The following CCDC6 variants were observed in gnomAD, a reference collection of about 807,000 sequenced individuals.
CCDC6 encodes the protein coiled-coil domain-containing protein 6.
CCDC6 carries 20 observed loss-of-function variants against 56.6 expected under a neutral mutation model. The observed-to-expected ratio is 0.35, with a 90% CI of 0.25 to 0.51. The LOEUF is 0.51. CCDC6 is among the 20% of genes least tolerant of loss of function. The pLI is 0.95. For synonymous variants in CCDC6, 241 were observed against 234.4 expected (o/e 1.03, Z -0.26); for missense variants, 367 against 601.1 (o/e 0.61, Z 4.07).
intron 1 of CCDC6, among the ~76,000 whole-genome samples, chr10:59,886,005 C>T (rs1461880792): frequency 6.9e-6 from 1 of 144,924 alleles, no homozygotes; most frequent in Non-Finnish European, 1.5e-5. Flanking sequence ...GCCTTATATA[C>T]AGAATAACCT....
intron 5 of CCDC6, among the ~76,000 whole-genome samples, chr10:59,810,300 G>A (rs2070662412): frequency 6.6e-6 from 1 of 152,232 alleles, no homozygotes; most frequent in East Asian, 1.9e-4. Flanking sequence ...AAGCAGCTAA[G>A]TGCCACTGCT....
At chr10:59,846,711 T>C (rs2070995375) in intron 2 of CCDC6, among the ~76,000 whole-genome samples, 1 of 152,214 alleles carries the variant, frequency 6.6e-6, no homozygotes, top group African/African-American at 2.4e-5. Context: ...TACAAATCTA[T>C]TGATTATTTT....
At chr10:59,897,904 GTGGCCTCATT>G (rs1408609833) in intron 1 of CCDC6, among the ~76,000 whole-genome samples, 1 of 152,262 alleles carries the variant, frequency 6.6e-6, no homozygotes, top group Admixed American at 6.5e-5. Context: ...GCAGTACCAA[GTGGCCTCATT>G]TGATCCTCAG....
intron 3 of CCDC6, among the ~76,000 whole-genome samples, chr10:59,827,731 A>T (rs2070800228): frequency 6.6e-6 from 1 of 152,192 alleles, no homozygotes; most frequent in Admixed American, 6.5e-5. Flanking sequence ...GACATCTCAG[A>T]TAAGAAAATA....
At position 59,882,959 on chromosome 10, in the gene CCDC6, C is replaced by CA. The variant is rs769100645; in HGVS notation, c.303+23162dup. 8.8e-3 allele frequency among the ~76,000 whole-genome samples: 1,173 copies of CA among 133,956 alleles called. 5 individuals carry two copies. Among genetic ancestry groups the CA allele is most frequent in the Non-Finnish European group, 0.011 (672 of 62,394 alleles). 87.9% of individuals were successfully genotyped at this position (133,956 alleles called of 152,430 possible). Reference sequence around the variant, plus strand: ...TGGGCGACAGAGCAAGACTCTGCCTCAAAAAAAAAAATTAGTAAAATTAGG... The same window carrying CA: ...TGGGCGACAGAGCAAGACTCTGCCTCAAAAAAAAAAAATTAGTAAAATTAGG... On this transcript the variant is annotated intron_variant, in intron 1 of 8. Coordinates refer to ENST00000263102, the MANE Select transcript of CCDC6 (RefSeq NM_005436.5).
intron 1 of CCDC6, among the ~76,000 whole-genome samples, chr10:59,852,987 T>C (rs2071051720): frequency 6.6e-6 from 1 of 152,230 alleles, no homozygotes; most frequent in Non-Finnish European, 1.5e-5. Context: ...CATTGCAGTT[T>C]TTATGAAACT....
intron 1 of CCDC6, among the ~76,000 whole-genome samples, chr10:59,855,764 T>C (rs918447610): frequency 6.6e-6 from 1 of 152,196 alleles, no homozygotes; most frequent in South Asian, 2.1e-4. Flanking sequence ...AGCATGTGAA[T>C]TGAATTATAT....
At chr10:59,803,275 G>A (rs912271717) in intron 7 of CCDC6, among the ~76,000 whole-genome samples, 13 of 151,766 alleles carry the variant, frequency 8.6e-5, no homozygotes, top group Non-Finnish European at 1.9e-4. Flanking sequence ...GTACAAAGGC[G>A]GCCACCCTTT....
chr10:59,826,874 C>A (rs971605091), intron 3 of CCDC6, among the ~76,000 whole-genome samples: 3 of 152,174 alleles, frequency 2.0e-5, no homozygotes, highest in African/African-American at 7.2e-5. Flanking sequence ...TGACATTTTT[C>A]AGTATAAATG....
chr10:59,790,821 T>C lies in CCDC6; in HGVS notation c.*2096A>G. On this transcript the variant is annotated 3_prime_UTR_variant, in exon 9 of 9. Coordinates refer to ENST00000263102, the MANE Select transcript of CCDC6 (RefSeq NM_005436.5). Reference sequence around the variant, plus strand: ...TTAAAAATTCAACATATGGCAATGTTTTAATTTTTGTGCTTTCAAGAGGTA... The same window carrying C: ...TTAAAAATTCAACATATGGCAATGTCTTAATTTTTGTGCTTTCAAGAGGTA... 4.7e-6 allele frequency: 1 copy of C among 213,030 alleles called. No individual in the cohort carries two copies. Among genetic ancestry groups the C allele is most frequent in the Non-Finnish European group, 9.5e-6 (1 of 105,064 alleles). 13.2% of individuals were successfully genotyped at this position (213,030 alleles called of 1,614,324 possible). A position where few individuals can be genotyped will look rare whatever the true frequency, so the allele number is the denominator to read the frequency against.
intron 3 of CCDC6, among the ~76,000 whole-genome samples, chr10:59,831,715 A>G (rs1411402032): frequency 6.6e-6 from 1 of 152,242 alleles, no homozygotes; most frequent in Non-Finnish European, 1.5e-5. Context: ...GGGTGAAGGC[A>G]TCGGGGAACA....
intron 5 of CCDC6, 56 bp from the exon 6 acceptor site, chr10:59,807,134 A>T (rs2070632190): frequency 6.8e-7 from 1 of 1,477,590 alleles, no homozygotes; most frequent in East Asian, 2.3e-5. Flanking sequence ...ATCCAAATCT[A>T]AAAAAAAGGA....
chr10:59,890,351 G>C (rs1035709636), intron 1 of CCDC6, among the ~76,000 whole-genome samples: 1 of 152,178 alleles, frequency 6.6e-6, no homozygotes, highest in Non-Finnish European at 1.5e-5. Flanking sequence ...AGAAGTGGAG[G>C]CACCATCCTG....
intron 1 of CCDC6, among the ~76,000 whole-genome samples, chr10:59,893,443 A>T (rs573716269): frequency 1.4e-4 from 22 of 152,216 alleles, no homozygotes; most frequent in African/African-American, 5.1e-4. Flanking sequence ...TACAAAAAAA[A>T]TCCAAGAAAC....
chr10:59,807,196 T>C (rs2070632562), intron 5 of CCDC6, 118 bp from the exon 6 acceptor site: 2 of 910,024 alleles, frequency 2.2e-6, no homozygotes, highest in South Asian at 1.8e-5. Context: ...TACAAGATGG[T>C]CTTTCTGGTC....
intron 2 of CCDC6, among the ~76,000 whole-genome samples, chr10:59,851,035 T>G (rs995929156): frequency 6.7e-6 from 1 of 148,840 alleles, no homozygotes; most frequent in East Asian, 2.0e-4. Flanking sequence ...TCACTCATAC[T>G]GGAGATACAT....
At chr10:59,880,391 T>C (rs995139015) in intron 1 of CCDC6, among the ~76,000 whole-genome samples, 4 of 152,168 alleles carry the variant, frequency 2.6e-5, no homozygotes, top group Non-Finnish European at 5.9e-5. Flanking sequence ...ACCAACAATA[T>C]AGATAAATCC....
intron 3 of CCDC6, among the ~76,000 whole-genome samples, chr10:59,828,315 A>G (rs1219875525): frequency 6.6e-6 from 1 of 152,154 alleles, no homozygotes; most frequent in African/African-American, 2.4e-5. Context: ...GATTAATCCA[A>G]TTTACTAGAC....
At chr10:59,805,776 T>C (rs1007405820) in intron 6 of CCDC6, among the ~76,000 whole-genome samples, 11 of 152,312 alleles carry the variant, frequency 7.2e-5, no homozygotes, top group Non-Finnish European at 1.6e-4. Context: ...AACCTGTTAC[T>C]GTTTTCCTTT....
Sources: gnomAD v4.1 joint callset for allele counts (sites outside exome capture counted in the v4.1 genomes callset) on GRCh38, gnomAD v4.1.1 for gene constraint, MANE v1.5 for transcripts, NCBI Gene and HGNC (gene_info 2026-07-23, HGNC 2026-07-21) for gene names.